Variants in ZC4H2 observed in about 807,000 individuals in gnomAD.
ZC4H2 encodes the protein zinc finger C4H2 domain-containing protein.
For synonymous variants in ZC4H2, 84 were observed against 66.3 expected (o/e 1.27, Z -1.30); for missense variants, 137 against 173.9 (o/e 0.79, Z 1.19).
At chrX:65,008,660 C>A (rs1241983823) in intron 1 of ZC4H2, among the ~76,000 whole-genome samples, 1 of 112,125 alleles carries the variant, frequency 8.9e-6, no homozygotes, top group Non-Finnish European at 1.9e-5. Context: ...ATGTTATTTG[C>A]AACAACCTGG....
At chrX:64,962,663 G>T (rs1489322682) in intron 1 of ZC4H2, among the ~76,000 whole-genome samples, 1 of 111,519 alleles carries the variant, frequency 9.0e-6, no homozygotes, top group African/African-American at 3.2e-5. Flanking sequence ...ATTCCAAAAA[G>T]ATTGTTAGAA....
At chrX:65,025,292 G>T (rs778984720) in intron 1 of ZC4H2, among the ~76,000 whole-genome samples, 2 of 109,439 alleles carry the variant, frequency 1.8e-5, no homozygotes, top group African/African-American at 6.7e-5. Flanking sequence ...GGGACCACAG[G>T]TGATCACCAT....
At chrX:64,967,239 C>T (rs1602426204) in intron 1 of ZC4H2, among the ~76,000 whole-genome samples, 2 of 111,230 alleles carry the variant, frequency 1.8e-5, no homozygotes, top group Middle Eastern at 9.2e-3. Context: ...CATCTAATTC[C>T]CAGCCTTCCA....
At chrX:64,998,383 A>G (rs2147277518) in intron 1 of ZC4H2, among the ~76,000 whole-genome samples, 1 of 112,054 alleles carries the variant, frequency 8.9e-6, no homozygotes, top group Admixed American at 9.4e-5. Context: ...TGTCAGACAA[A>G]ATAGACAAAA....
At chrX:64,952,518 C>T (rs1265727574) in intron 1 of ZC4H2, among the ~76,000 whole-genome samples, 1 of 110,734 alleles carries the variant, frequency 9.0e-6, no homozygotes, top group Non-Finnish European at 1.9e-5. Context: ...TTCTTATACA[C>T]CAATAACAGA....
At chrX:65,020,831 G>C (rs762341621) in intron 1 of ZC4H2, among the ~76,000 whole-genome samples, 2 of 111,824 alleles carry the variant, frequency 1.8e-5, no homozygotes, top group South Asian at 3.7e-4. Flanking sequence ...TAAAGGAATG[G>C]AGGAATATTT....
intron 1 of ZC4H2, among the ~76,000 whole-genome samples, chrX:65,003,266 A>C (rs1230403986): frequency 1.8e-5 from 2 of 111,686 alleles, no homozygotes; most frequent in African/African-American, 6.5e-5. Flanking sequence ...CAGATTCTCT[A>C]GGACAAAGCT....
chrX:64,953,628 T>A (rs1450467061), intron 1 of ZC4H2, among the ~76,000 whole-genome samples: 1 of 111,812 alleles, frequency 8.9e-6, no homozygotes, highest in African/African-American at 3.3e-5. Context: ...TGAGATAGCA[T>A]CTCACACCAG....
At chrX:64,989,859 A>T (rs1459358229) in intron 1 of ZC4H2, among the ~76,000 whole-genome samples, 2 of 112,100 alleles carry the variant, frequency 1.8e-5, no homozygotes, top group African/African-American at 6.5e-5. Context: ...GACTAAAATT[A>T]AAAAATGGTG....
rs1230242512 is a variant in ZC4H2, at chrX:64,954,340, T to TTA, written c.53+21983_53+21984dup. ...TAATTATATATATATATATATATAA[T>TTA]TATATATATATATAATTATATATAT... On this transcript the variant is annotated intron_variant, in intron 1 of 4. Coordinates refer to ENST00000374839, the MANE Select transcript of ZC4H2 (RefSeq NM_018684.4). 2.8e-4 allele frequency among the ~76,000 whole-genome samples: 20 copies of TTA among 70,672 alleles called. 2 individuals carry two copies. Among genetic ancestry groups the TTA allele is most frequent in the East Asian group, 7.3e-4 (2 of 2,733 alleles). 61.4% of individuals were successfully genotyped at this position (70,672 alleles called of 115,157 possible).
chrX:65,009,250 C>G (rs1163969590), intron 1 of ZC4H2, among the ~76,000 whole-genome samples: 1 of 111,846 alleles, frequency 8.9e-6, no homozygotes, highest in Non-Finnish European at 1.9e-5. Flanking sequence ...CAGGGCACAG[C>G]TGCCTGCCAC....
chrX:64,926,251 C>A (rs1486612128), intron 1 of ZC4H2, among the ~76,000 whole-genome samples: 3 of 111,542 alleles, frequency 2.7e-5, no homozygotes, highest in Non-Finnish European at 5.7e-5. Flanking sequence ...AAAAATAAAA[C>A]CAACTAAAGT....
chrX:64,984,745 G>A (rs967070090), intron 1 of ZC4H2, among the ~76,000 whole-genome samples: 3 of 112,049 alleles, frequency 2.7e-5, no homozygotes, highest in African/African-American at 9.7e-5. Context: ...TACAAAACAG[G>A]CCTGATCCCC....
intron 1 of ZC4H2, among the ~76,000 whole-genome samples, chrX:64,940,077 C>A (rs760917685): frequency 9.0e-6 from 1 of 111,676 alleles, no homozygotes; most frequent in Non-Finnish European, 1.9e-5. Flanking sequence ...TCTGTTGTTT[C>A]CTGACGTTTT....
intron 1 of ZC4H2, among the ~76,000 whole-genome samples, chrX:64,999,772 T>G (rs1222473448): frequency 1.8e-5 from 2 of 111,863 alleles, no homozygotes; most frequent in Non-Finnish European, 3.8e-5. Context: ...CATCCACCAT[T>G]ACTGAGGCTT....
At chrX:65,027,707 T>G (rs1025259409) in intron 1 of ZC4H2, among the ~76,000 whole-genome samples, 3 of 111,658 alleles carry the variant, frequency 2.7e-5, no homozygotes, top group African/African-American at 9.8e-5. Context: ...GATCATACTT[T>G]GCTTTGTTTG....
intron 1 of ZC4H2, among the ~76,000 whole-genome samples, chrX:64,969,700 A>G (rs756144253): frequency 4.5e-5 from 5 of 111,999 alleles, no homozygotes; most frequent in Non-Finnish European, 9.4e-5. Context: ...AATGGGGCTC[A>G]GCAATCAATG....
At chrX:64,936,408 G>A (rs868544499) in intron 1 of ZC4H2, among the ~76,000 whole-genome samples, 14 of 110,712 alleles carry the variant, frequency 1.3e-4, no homozygotes, top group Non-Finnish European at 2.6e-4. Context: ...ATTCAAATTC[G>A]GGAAATACAG....
In ZC4H2 at chrX:64,971,341, C is replaced by A. The variant is rs768370818; in HGVS notation, c.53+4984G>T. ...ATTCTTCAGATGGAAATGGATACTG[C>A]ATTACAAATATCCATGCCAATTCAT... On this transcript the variant is annotated intron_variant, in intron 1 of 4. Transcript: ENST00000374839. Among the ~76,000 whole-genome samples, 4 of 112,206 alleles carry A rather than the reference C, an allele frequency of 3.6e-5. No individual in the cohort carries two copies. In the South Asian group the frequency reaches 1.1e-3, roughly 31 times the overall value.
Sources: allele counts gnomAD v4.1 joint callset (sites outside exome capture counted in the v4.1 genomes callset), GRCh38; gene constraint gnomAD v4.1.1; transcripts MANE v1.5; gene names NCBI Gene and HGNC (gene_info 2026-07-23, HGNC 2026-07-21).